Variants in ALPL observed in about 807,000 individuals in gnomAD.
ALPL encodes alkaline phosphatase, tissue-nonspecific isozyme.
A neutral mutation model predicts 51.3 loss-of-function variants in ALPL; 42 were observed. That is an observed-to-expected ratio of 0.82 (90% CI 0.64 to 1.06). ALPL has a LOEUF of 1.06. Ranked by LOEUF, ALPL falls within the 50% of genes least tolerant of loss-of-function variation. The probability of loss-of-function intolerance (pLI) is 0.00; values close to 1 mark genes in which losing one functional copy is unlikely to be tolerated. For missense variants in ALPL, 589 were observed against 709.4 expected (o/e 0.83, Z 1.93); for synonymous variants, 279 against 296.4 (o/e 0.94, Z 0.60).
intron 10 of ALPL, among the ~76,000 whole-genome samples, chr1:21,576,234 G>GGATGGATGGATGGATGGAT: frequency 6.8e-6 from 1 of 147,298 alleles, no homozygotes; most frequent in Admixed American, 6.8e-5. Flanking sequence ...ATGGATGGAT[G>GGATGGATGGATGGATGGAT]GATGGATGGA....
At chr1:21,528,342 GTTTT>G (rs11368122) in intron 1 of ALPL, among the ~76,000 whole-genome samples, 4 of 111,942 alleles carry the variant, frequency 3.6e-5, no homozygotes, top group Admixed American at 1.0e-4. Context: ...GACCTATTCA[GTTTT>G]TTTTTTTTTT....
rs577081328 is a variant in ALPL at position 21,509,719 on chromosome 1, C to G, written c.-105+202C>G. Among the ~76,000 whole-genome samples, 13 of 152,268 alleles carry G rather than the reference C, an allele frequency of 8.5e-5. No individual in the cohort carries two copies. The highest frequency in any genetic ancestry group is 3.1e-4 in the African/African-American group (13 of 41,574). On this transcript the variant is annotated intron_variant, in intron 1 of 11. Coordinates refer to ENST00000374840, the MANE Select transcript of ALPL (RefSeq NM_000478.6). This position sits in a 1 kb window ranked among gnomAD's most constrained non-coding sequence, Gnocchi z 6.0. ...TGTCCTCCCGCGCATCCCAAGCTCC[C>G]GGCGCGCGCTCTGGGCGGGACAGGA...
At chr1:21,569,239 TCA>T (rs898079192) in intron 7 of ALPL, among the ~76,000 whole-genome samples, 3 of 152,172 alleles carry the variant, frequency 2.0e-5, no homozygotes, top group African/African-American at 7.2e-5. Context: ...GACACCAGCC[TCA>T]GTTTCTCTAC....
chr1:21,554,847 TTC>T (rs1230991133), intron 2 of ALPL, among the ~76,000 whole-genome samples: 1 of 137,598 alleles, frequency 7.3e-6, no homozygotes, highest in South Asian at 2.5e-4. Flanking sequence ...CTTTCTTTCT[TTC>T]TTTCTTTCTT....
chr1:21,525,413 G>A (rs920956913), intron 1 of ALPL, among the ~76,000 whole-genome samples: 1 of 152,228 alleles, frequency 6.6e-6, no homozygotes, highest in African/African-American at 2.4e-5. Flanking sequence ...CTTGTCTTGG[G>A]CTTTGTCCCA....
intron 9 of ALPL, chr1:21,574,032 C>T: frequency 5.1e-6 from 5 of 985,442 alleles, no homozygotes; most frequent in Non-Finnish European, 4.8e-6. Context: ...AGGAAGGCTT[C>T]CTGGGAGAGG....
chr1:21,529,795 C>T (rs116270117), intron 1 of ALPL, among the ~76,000 whole-genome samples: 26 of 151,764 alleles, frequency 1.7e-4, no homozygotes, highest in African/African-American at 6.3e-4. Context: ...TTTTTTGAGA[C>T]AGGGTCTCCA....
intron 8 of ALPL, among the ~76,000 whole-genome samples, chr1:21,572,530 G>T (rs566523148): frequency 3.7e-4 from 56 of 152,320 alleles, no homozygotes; most frequent in African/African-American, 1.2e-3. Flanking sequence ...TGTGGGAGGA[G>T]ACCACACAAG....
At chr1:21,572,702 A>G (rs1422862294) in intron 8 of ALPL, among the ~76,000 whole-genome samples, 1 of 152,122 alleles carries the variant, frequency 6.6e-6, no homozygotes, top group Non-Finnish European at 1.5e-5. Context: ...GTGTTCTGGA[A>G]GGACACCAGA....
chr1:21,522,325 T>C (rs182216748), intron 1 of ALPL, among the ~76,000 whole-genome samples: 1,989 of 152,246 alleles, frequency 0.013, 19 homozygotes, highest in Middle Eastern at 0.02. Context: ...CCGCCCGCCT[T>C]GGCCTCCCAA....
chr1:21,563,850 T>C (rs1644522847), intron 5 of ALPL, among the ~76,000 whole-genome samples, 191 bp from the exon 6 acceptor site: 1 of 151,994 alleles, frequency 6.6e-6, no homozygotes, highest in Non-Finnish European at 1.5e-5. Flanking sequence ...CCAGAGGCAG[T>C]GTTCTGGCTG....
chr1:21,511,100 C>G (rs1345690198), intron 1 of ALPL, among the ~76,000 whole-genome samples: 1 of 152,222 alleles, frequency 6.6e-6, no homozygotes, highest in Non-Finnish European at 1.5e-5. Context: ...CGCCGTGTGC[C>G]AAGCTCTGTT....
At chr1:21,557,461 G>T (rs1644428419) in intron 2 of ALPL, among the ~76,000 whole-genome samples, 5 of 152,214 alleles carry the variant, frequency 3.3e-5, no homozygotes, top group Admixed American at 2.6e-4. Flanking sequence ...GGGGACCAAG[G>T]TCACTCTGGG....
chr1:21,521,105 A>G (rs2148066507), intron 1 of ALPL, among the ~76,000 whole-genome samples: 1 of 152,234 alleles, frequency 6.6e-6, no homozygotes, highest in South Asian at 2.1e-4. Flanking sequence ...TCTGAGTTTC[A>G]GTTCCTGGAG....
chr1:21,565,711 C>T (rs1644554119), intron 6 of ALPL, among the ~76,000 whole-genome samples: 2 of 151,928 alleles, frequency 1.3e-5, no homozygotes, highest in South Asian at 4.2e-4. Flanking sequence ...CCTCCTCTTC[C>T]TTTCTCTCCC....
chr1:21,557,749 A>G (rs1056384066), intron 2 of ALPL, among the ~76,000 whole-genome samples: 1 of 152,094 alleles, frequency 6.6e-6, no homozygotes, highest in East Asian at 1.9e-4. Context: ...TTTTTCTTCA[A>G]TTAGATATAA....
At chr1:21,561,752 T>C (rs1473126023) in intron 4 of ALPL, among the ~76,000 whole-genome samples, 1 of 147,590 alleles carries the variant, frequency 6.8e-6, no homozygotes, top group African/African-American at 2.6e-5. Context: ...CTGCAACCTC[T>C]GCCTCCCGAG....
In ALPL at chr1:21,573,816, T is replaced by A. The variant is rs1379715120; in HGVS notation, c.997+17T>A. The A allele has an allele frequency of 6.2e-7, 1 of 1,614,096 alleles. No individual in the cohort carries two copies. Among genetic ancestry groups the A allele is most frequent in the South Asian group, 1.1e-5 (1 of 91,062 alleles). ...TGGTGGAAGGTAGGGACCCCGGGTC[T>A]GCTGAGAGGGGGCTGCTGGAAACAC... is the stretch of plus-strand genomic sequence containing the variant. On this transcript the variant is annotated intron_variant, in intron 9 of 11. Coordinates refer to ENST00000374840, the MANE Select transcript of ALPL (RefSeq NM_000478.6).
chr1:21,541,749 G>T (rs926887954), intron 1 of ALPL, among the ~76,000 whole-genome samples: 4 of 152,212 alleles, frequency 2.6e-5, no homozygotes, highest in Non-Finnish European at 5.9e-5. Flanking sequence ...TCATTGGTTG[G>T]ACAGCATGGG....
Sources: allele counts gnomAD v4.1 joint callset (sites outside exome capture counted in the v4.1 genomes callset), GRCh38; gene constraint gnomAD v4.1.1; non-coding constraint Gnocchi (gnomAD v3.1); transcripts MANE v1.5; gene names NCBI Gene and HGNC (gene_info 2026-07-23, HGNC 2026-07-21).